The following EPHA5 variants were observed in gnomAD, a reference collection of about 807,000 sequenced individuals.
EPHA5 encodes the protein EPH receptor A5.
Under a neutral mutation model 105.0 loss-of-function variants are expected in EPHA5, and 60 were observed. That is an observed-to-expected ratio of 0.57 (90% CI 0.46 to 0.71). EPHA5 has a LOEUF of 0.71. EPHA5 is among the 30% of genes least tolerant of loss of function. EPHA5 has a pLI of 0.00. For synonymous variants in EPHA5, 513 were observed against 449.1 expected, an observed-to-expected ratio of 1.14 and a Z score of -1.80; for missense variants, 1,218 against 1,274.7, an observed-to-expected ratio of 0.96 and a Z score of 0.68.
At chr4:65,660,943 C>A (rs2149549423) in intron 1 of EPHA5, among the ~76,000 whole-genome samples, 1 of 152,188 alleles carries the variant, frequency 6.6e-6, no homozygotes, top group African/African-American at 2.4e-5. Flanking sequence ...ACCCAGCAAA[C>A]AAAGAGTAAC....
At chr4:65,522,316 G>GTATA (rs58851174) in intron 3 of EPHA5, among the ~76,000 whole-genome samples, 12 of 142,872 alleles carry the variant, frequency 8.4e-5, no homozygotes, top group African/African-American at 2.4e-4. Context: ...ATATATATAT[G>GTATA]TATATATATA....
chr4:65,495,749 A>G (rs973012108), intron 3 of EPHA5, among the ~76,000 whole-genome samples: 2 of 152,164 alleles, frequency 1.3e-5, no homozygotes, highest in African/African-American at 4.8e-5. Context: ...GTACTTAAAC[A>G]TTTATGGAAT....
At chr4:65,340,865 G>A (rs1203807024) in intron 14 of EPHA5, among the ~76,000 whole-genome samples, 1 of 152,046 alleles carries the variant, frequency 6.6e-6, no homozygotes, top group African/African-American at 2.4e-5. Flanking sequence ...TTCATCACAT[G>A]TGCACCTGCA....
intron 11 of EPHA5, among the ~76,000 whole-genome samples, chr4:65,356,793 T>C (rs1723340779): frequency 6.6e-6 from 1 of 151,538 alleles, no homozygotes; most frequent in Admixed American, 6.6e-5. Flanking sequence ...ACATTTAGTT[T>C]GGCTTATGTT....
chr4:65,491,066 T>C (rs1731354295), intron 4 of EPHA5, among the ~76,000 whole-genome samples: 1 of 152,050 alleles, frequency 6.6e-6, no homozygotes, highest in Non-Finnish European at 1.5e-5. Context: ...ACTGAATGTT[T>C]CCTCATTGGT....
chr4:65,351,749 GTA>G (rs1462569361), intron 12 of EPHA5, 151 bp from the exon 13 acceptor site: 1 of 689,556 alleles, frequency 1.5e-6, no homozygotes, highest in Non-Finnish European at 2.4e-6. Flanking sequence ...ATGGTAGGAA[GTA>G]TATGGCTAAC....
chr4:65,616,545 A>G (rs753563579), intron 2 of EPHA5, among the ~76,000 whole-genome samples: 34 of 151,882 alleles, frequency 2.2e-4, no homozygotes, highest in Non-Finnish European at 3.1e-4. Flanking sequence ...ATAATTAATG[A>G]TCAATAAAAA....
At chr4:65,387,097 C>T (rs771883579) in intron 8 of EPHA5, among the ~76,000 whole-genome samples, 1 of 151,726 alleles carries the variant, frequency 6.6e-6, no homozygotes, top group Non-Finnish European at 1.5e-5. Flanking sequence ...GGTGCAGGTG[C>T]AATCTGAGCA....
At chr4:65,341,300 C>T (rs971306319) in intron 14 of EPHA5, among the ~76,000 whole-genome samples, 3 of 151,898 alleles carry the variant, frequency 2.0e-5, no homozygotes, top group Non-Finnish European at 2.9e-5. Context: ...TAAGAAATTG[C>T]CCAGCTAGGA....
intron 5 of EPHA5, among the ~76,000 whole-genome samples, chr4:65,467,734 A>G (rs929721479): frequency 2.6e-5 from 4 of 152,218 alleles, no homozygotes; most frequent in African/African-American, 9.6e-5. Context: ...ACATTACATG[A>G]CAAATGGGAA....
chr4:65,473,525 G>C (rs548087239), intron 5 of EPHA5, among the ~76,000 whole-genome samples: 44 of 152,262 alleles, frequency 2.9e-4, no homozygotes, highest in African/African-American at 9.4e-4. Context: ...AGGCAAAACA[G>C]AGAGAGAGCA....
At chr4:65,609,737 G>A (rs187084388) in intron 2 of EPHA5, among the ~76,000 whole-genome samples, 1 of 150,142 alleles carries the variant, frequency 6.7e-6, no homozygotes, top group Non-Finnish European at 1.5e-5. Context: ...AAGTGCAGAA[G>A]CAATAAATGG....
At chr4:65,401,454 A>G (rs1345538977) in intron 8 of EPHA5, among the ~76,000 whole-genome samples, 1 of 152,116 alleles carries the variant, frequency 6.6e-6, no homozygotes, top group Admixed American at 6.6e-5. Flanking sequence ...TACAATGGCC[A>G]AAGATGTTTC....
chr4:65,551,079 T>C (rs926344910), intron 3 of EPHA5, among the ~76,000 whole-genome samples: 1 of 151,858 alleles, frequency 6.6e-6, no homozygotes, highest in African/African-American at 2.4e-5. Context: ...TATACACACG[T>C]ATGTATATTC....
chr4:65,649,195 G>C (rs1305828646), intron 1 of EPHA5, among the ~76,000 whole-genome samples: 1 of 152,148 alleles, frequency 6.6e-6, no homozygotes, highest in Non-Finnish European at 1.5e-5. Flanking sequence ...GCTCTACAAG[G>C]CAATTTATGT....
At chr4:65,608,264 G>T (rs1275364793) in intron 2 of EPHA5, among the ~76,000 whole-genome samples, 2 of 152,178 alleles carry the variant, frequency 1.3e-5, no homozygotes, top group Non-Finnish European at 2.9e-5. Flanking sequence ...AGCACTTTGG[G>T]AGGCTGAGGT....
intron 1 of EPHA5, 50 bp from the exon 2 acceptor site, chr4:65,643,477 A>T: frequency 7.2e-7 from 1 of 1,396,000 alleles, no homozygotes; most frequent in African/African-American, 1.4e-5. Flanking sequence ...TATCATGAAT[A>T]TTGTATCTCT....
At chr4:65,568,928 A>G (rs1377170398) in intron 3 of EPHA5, among the ~76,000 whole-genome samples, 2 of 151,116 alleles carry the variant, frequency 1.3e-5, no homozygotes. Flanking sequence ...CAGTGTGACC[A>G]ATATTTTCCT....
At chr4:65,583,756 A>G (rs1165069167) in intron 3 of EPHA5, among the ~76,000 whole-genome samples, 3 of 151,740 alleles carry the variant, frequency 2.0e-5, no homozygotes, top group East Asian at 3.9e-4. Flanking sequence ...TAAAAAAGAA[A>G]CATATCTTTG....
Sources: allele counts gnomAD v4.1 joint callset (sites outside exome capture counted in the v4.1 genomes callset), GRCh38; gene constraint gnomAD v4.1.1; transcripts MANE v1.5; gene names NCBI Gene and HGNC (gene_info 2026-07-23, HGNC 2026-07-21).